The following ARID1B variants were observed in gnomAD, a reference collection of about 807,000 sequenced individuals.
ARID1B encodes the protein AT-rich interactive domain-containing protein 1B.
ARID1B carries 30 observed loss-of-function variants against 212.3 expected under a neutral mutation model. The ratio of observed to expected loss-of-function variants is 0.14; its 90% CI spans 0.11 to 0.19. The LOEUF (loss-of-function observed/expected upper bound fraction) is 0.19. Among genes scored for constraint, ARID1B ranks in the 10% least tolerant of loss-of-function variants. The pLI, the probability that ARID1B is intolerant of heterozygous loss-of-function variation, is 1.00. For synonymous variants in ARID1B, 1,402 were observed against 1,301.7 expected (o/e 1.08, Z -1.66); for missense variants, 2,891 against 3,204.0 (o/e 0.90, Z 2.36).
At chr6:156,807,074 C>T (rs1015964129) in intron 1 of ARID1B, among the ~76,000 whole-genome samples, 14 of 152,238 alleles carry the variant, frequency 9.2e-5, no homozygotes, top group African/African-American at 2.4e-4. Flanking sequence ...TCTGGAGGAC[C>T]GCAGCTTGCC....
intron 4 of ARID1B, among the ~76,000 whole-genome samples, chr6:157,076,315 T>G (rs1303874101): frequency 7.4e-6 from 1 of 135,934 alleles, no homozygotes; most frequent in African/African-American, 2.8e-5. Context: ...TTGTTTGTTT[T>G]GTTTTTTTTT....
At chr6:157,106,689 A>G (rs1455780075) in intron 5 of ARID1B, among the ~76,000 whole-genome samples, 2 of 152,172 alleles carry the variant, frequency 1.3e-5, no homozygotes, top group Middle Eastern at 3.2e-3. Context: ...CACTTTCTTC[A>G]CATTCTTTGG....
Position 156,778,258 on chromosome 6 carries a change from T to A in ARID1B, c.578T>A (p.Leu193Gln), listed in dbSNP as rs1184938848. Reference protein sequence around the residue: ...LHHHHALQQQLNQFQQQQQQQ... With the variant: ...LHHHHALQQQQNQFQQQQQQQ... ...CACCACCACGCACTACAGCAGCAGC[T>A]AAACCAGTTCCAGCAGCAGCAGCAG... The change falls in exon 1 of 20, where the codon CTA becomes CAA. Residue 193 changes from leucine (L) to glutamine (Q), a missense_variant. By Grantham distance (113) the Leu-to-Gln change is moderately radical. Around this residue, in one of 7 missense-constraint regions of ARID1B, gnomAD observed 1,643 missense variants for 1,544.0 expected, o/e 1.06. Transcript: ENST00000636930. 6.5e-7 allele frequency: 1 copy of A among 1,539,890 alleles called. No individual in the cohort carries two copies. The highest frequency in any genetic ancestry group is 8.7e-7 in the Non-Finnish European group (1 of 1,145,116).
At chr6:156,915,681 A>G (rs1790293591) in intron 3 of ARID1B, among the ~76,000 whole-genome samples, 1 of 151,942 alleles carries the variant, frequency 6.6e-6, no homozygotes, top group African/African-American at 2.4e-5. Flanking sequence ...AGATCACTTG[A>G]GGCCAGGCGT....
chr6:156,944,957 G>A (rs1280506374), intron 4 of ARID1B, among the ~76,000 whole-genome samples: 1 of 138,618 alleles, frequency 7.2e-6, no homozygotes, highest in Non-Finnish European at 1.5e-5. Flanking sequence ...GAGTCTCGCT[G>A]TGTCGCCCAG....
intron 1 of ARID1B, among the ~76,000 whole-genome samples, chr6:156,799,443 GA>G (rs1401593696): frequency 6.6e-6 from 1 of 152,208 alleles, no homozygotes; most frequent in Non-Finnish European, 1.5e-5. Context: ...CGTTATGATA[GA>G]TTTTTTTTAT....
intron 1 of ARID1B, among the ~76,000 whole-genome samples, chr6:156,818,124 T>TTTTTTTTTTTTTTTC (rs1554255156): frequency 7.5e-6 from 1 of 133,380 alleles, no homozygotes; most frequent in Non-Finnish European, 1.6e-5. Context: ...TTTTTTTTTT[T>TTTTTTTTTTTTTTTC]AGAATATAAG....
intron 4 of ARID1B, chr6:156,939,989 G>T (rs1419674102): frequency 6.6e-6 from 1 of 152,098 alleles, no homozygotes; most frequent in East Asian, 1.9e-4. Flanking sequence ...CACTATATAA[G>T]CACTTTCTTA....
rs368817955 is a variant in ARID1B at position 156,834,477 on chromosome 6, A to C, written c.1986+5056A>C. Among the ~76,000 whole-genome samples, 61 of 152,362 alleles carry C rather than the reference A, an allele frequency of 4.0e-4. 1 individual carries two copies. Among genetic ancestry groups the C allele is most frequent in the African/African-American group, 1.3e-3 (55 of 41,574 alleles). On this transcript the variant is annotated intron_variant, in intron 2 of 19. Coordinates refer to ENST00000636930, the MANE Select transcript of ARID1B (RefSeq NM_001374828.1). ...GTACGCTCCCACATGTGTGTAAAAA[A>C]CAGAACATTCATGTGACAATGGCAT... is the stretch of plus-strand genomic sequence containing the variant.
intron 1 of ARID1B, among the ~76,000 whole-genome samples, chr6:156,805,837 A>T (rs1781118815): frequency 6.6e-6 from 1 of 152,014 alleles, no homozygotes; most frequent in Non-Finnish European, 1.5e-5. Flanking sequence ...TGCCACAACC[A>T]GCTAATTTTT....
chr6:157,144,160 T>C (rs1789562261), intron 7 of ARID1B, among the ~76,000 whole-genome samples: 1 of 152,222 alleles, frequency 6.6e-6, no homozygotes, highest in South Asian at 2.1e-4. Flanking sequence ...CTCAGTAGTT[T>C]CTTTCCTTTG....
intron 4 of ARID1B, among the ~76,000 whole-genome samples, chr6:156,992,348 C>G (rs1041253326): frequency 2.0e-5 from 3 of 152,130 alleles, no homozygotes; most frequent in Non-Finnish European, 4.4e-5. Flanking sequence ...AAAAAAATAA[C>G]ATGTAACTGT....
At chr6:157,064,047 C>T (rs180999191) in intron 4 of ARID1B, among the ~76,000 whole-genome samples, 5 of 152,294 alleles carry the variant, frequency 3.3e-5, no homozygotes, top group South Asian at 2.1e-4. Flanking sequence ...TTGTGGCATC[C>T]GACTAGGCTA....
In ARID1B at chr6:156,777,871, G is replaced by A. The variant is rs1778739285; in HGVS notation, c.191G>A (p.Gly64Asp). The A allele has an allele frequency of 5.2e-6, 7 of 1,339,916 alleles. No individual in the cohort carries two copies. The highest frequency in any genetic ancestry group is 3.7e-5 in the South Asian group (2 of 54,132). 83.0% of individuals were successfully genotyped at this position (1,339,916 alleles called of 1,614,324 possible). Residue 64 changes from glycine (G) to aspartate (D), a missense_variant, in exon 1 of 20, where the codon GGC (glycine) becomes GAC (aspartate). Gly to Asp is a moderately conservative substitution (Grantham distance 94, BLOSUM62 -1). Around this residue, in one of 7 missense-constraint regions of ARID1B, gnomAD observed 1,643 missense variants for 1,544.0 expected, o/e 1.06. Coordinates refer to ENST00000636930, the MANE Select transcript of ARID1B (RefSeq NM_001374828.1). ...CCCATGCTGGGGGGCGGCGGCGACG[G>A]CGGCGGCGGCCTGAACAGTGTGCAC... ...PGPMLGGGGD[G>D]GGGLNSVHHH... is the part of the protein sequence containing the mutation.
chr6:156,794,219 T>C (rs932963367), intron 1 of ARID1B, among the ~76,000 whole-genome samples: 2 of 152,218 alleles, frequency 1.3e-5, no homozygotes, highest in African/African-American at 2.4e-5. Context: ...TTTTTGTTAT[T>C]GCTAAGACAT....
intron 1 of ARID1B, among the ~76,000 whole-genome samples, chr6:156,807,270 G>A (rs547962943): frequency 2.6e-5 from 4 of 152,162 alleles, no homozygotes; most frequent in East Asian, 1.9e-4. Flanking sequence ...GGGAGCCAGC[G>A]GATCACGTGG....
At chr6:156,971,436 C>T (rs1018315277) in intron 4 of ARID1B, among the ~76,000 whole-genome samples, 2 of 152,088 alleles carry the variant, frequency 1.3e-5, no homozygotes, top group African/African-American at 4.8e-5. Context: ...TGTGCACGCA[C>T]CTGTGTGTGT....
At chr6:156,814,086 C>T (rs9397971) in intron 1 of ARID1B, among the ~76,000 whole-genome samples, 8,530 of 152,156 alleles carry the variant, frequency 0.056, 495 homozygotes, top group East Asian at 0.27. Flanking sequence ...TAAAGGAATA[C>T]GTAAGAATCA....
At chr6:157,111,836 T>C (rs1174305055) in intron 6 of ARID1B, among the ~76,000 whole-genome samples, 1 of 152,248 alleles carries the variant, frequency 6.6e-6, no homozygotes, top group African/African-American at 2.4e-5. Context: ...GAATAGTTCA[T>C]GGTTTTTAAA....
Sources: allele counts gnomAD v4.1 joint callset (sites outside exome capture counted in the v4.1 genomes callset), GRCh38; gene constraint gnomAD v4.1.1; regional missense constraint gnomAD v4.1.1; transcripts MANE v1.5; gene names NCBI Gene and HGNC (gene_info 2026-07-23, HGNC 2026-07-21).